Variants in ENO1 observed in about 807,000 individuals in gnomAD.
The protein encoded by ENO1 is enolase 1.
ENO1 carries 33 observed loss-of-function variants against 46.3 expected under a neutral mutation model. The ratio of observed to expected loss-of-function variants is 0.71; its 90% CI spans 0.54 to 0.95. The LOEUF (loss-of-function observed/expected upper bound fraction) is 0.95, where lower values mean the gene tolerates loss of function less well. Ranked by LOEUF, ENO1 falls within the 40% of genes least tolerant of loss-of-function variation. The pLI is 0.00. For synonymous variants in ENO1, 220 were observed against 216.0 expected, an observed-to-expected ratio of 1.02 and a Z score of -0.16; for missense variants, 488 against 553.3, an observed-to-expected ratio of 0.88 and a Z score of 1.18.
At position 8,863,410 on chromosome 1, in the gene ENO1, T is replaced by C; in HGVS notation, c.1068-67A>G. On this transcript the variant is annotated intron_variant, in intron 9 of 11. Coordinates refer to ENST00000234590, the MANE Select transcript of ENO1 (RefSeq NM_001428.5). ...CTGGTTCCATAACCCCCAATGCCAT[T>C]ACCCCTCGGTGCCAGCAGGAAAGCA... 5 of 1,461,016 alleles carry C rather than the reference T, an allele frequency of 3.4e-6. No individual in the cohort carries two copies. The East Asian group carries it at 7.1e-5, about 21-fold the overall frequency. 90.5% of individuals were successfully genotyped at this position (1,461,016 alleles called of 1,614,324 possible).
chr1:8,875,271 A>G (rs907255877), intron 1 of ENO1, among the ~76,000 whole-genome samples: 5 of 152,042 alleles, frequency 3.3e-5, no homozygotes, highest in African/African-American at 7.2e-5. Flanking sequence ...AATGGGTTAA[A>G]CCCTAGCAAT....
At chr1:8,868,192 A>G (rs1283983054) in intron 4 of ENO1, 135 bp from the exon 5 acceptor site, 2 of 735,936 alleles carry the variant, frequency 2.7e-6, no homozygotes, top group African/African-American at 1.8e-5. Flanking sequence ...ATAAGCAAAA[A>G]AAGTGGAGGA....
At chr1:8,871,599 G>C in intron 3 of ENO1, 1 of 1,183,874 alleles carries the variant, frequency 8.4e-7, no homozygotes, top group Non-Finnish European at 1.1e-6. Flanking sequence ...TCTCATGCTT[G>C]GGTTCCTGTC....
rs1371816446 is a variant in ENO1, at chr1:8,861,224, G to A, written c.*136C>T. 7.1e-6 allele frequency: 6 copies of A among 840,662 alleles called. No individual in the cohort carries two copies. Among genetic ancestry groups the A allele is most frequent in the Non-Finnish European group, 9.4e-6 (5 of 533,604 alleles). 52.1% of individuals were successfully genotyped at this position (840,662 alleles called of 1,614,324 possible). On this transcript the variant is annotated 3_prime_UTR_variant, in exon 12 of 12. Transcript: ENST00000234590. ...TGTAGAAGTTCTAAGGAAGCGGTAC[G>A]AACTCCACGGCGGTGGGGCGCTAAC... is the stretch of plus-strand genomic sequence containing the variant.
At chr1:8,878,547 C>T in intron 1 of ENO1, 33 bp downstream of exon 1, 1 of 453,826 alleles carries the variant, frequency 2.2e-6, no homozygotes, top group Non-Finnish European at 4.4e-6. Flanking sequence ...CCTGCGCCGC[C>T]TGCCCGTTGC....
chr1:8,862,248 A>G (rs1209901400), intron 11 of ENO1, among the ~76,000 whole-genome samples: 2 of 152,220 alleles, frequency 1.3e-5, no homozygotes, highest in Non-Finnish European at 2.9e-5. Flanking sequence ...TGACATGGCA[A>G]GACCCTGTCT....
intron 11 of ENO1, among the ~76,000 whole-genome samples, chr1:8,862,368 C>A (rs901667872): frequency 2.6e-5 from 4 of 151,672 alleles, no homozygotes; most frequent in Non-Finnish European, 5.9e-5. Context: ...TATGGGAGAA[C>A]TTAGCGGGGT....
intron 7 of ENO1, among the ~76,000 whole-genome samples, chr1:8,865,783 A>C (rs1321725186): frequency 6.6e-6 from 1 of 152,196 alleles, no homozygotes; most frequent in Non-Finnish European, 1.5e-5. Context: ...AGTTACAGTA[A>C]GCAGCTGAGA....
intron 8 of ENO1, 65 bp from the exon 9 acceptor site, chr1:8,864,157 G>T: frequency 6.4e-7 from 1 of 1,564,054 alleles, no homozygotes; most frequent in Non-Finnish European, 8.8e-7. Context: ...GCAATGCCCA[G>T]CCTTGCTTCC....
Position 8,865,272 on chromosome 1 carries a change from G to C in ENO1, c.865+13C>G, listed in dbSNP as rs72641527. On this transcript the variant is annotated intron_variant, in intron 8 of 11. Coordinates refer to ENST00000234590, the MANE Select transcript of ENO1 (RefSeq NM_001428.5). ...GTGGCAGGAAAGGGAGATGGCACTC[G>C]GGGAACACTCACCTGGGTAGTCCTT... The C allele has an allele frequency of 1.9e-6, 3 of 1,613,118 alleles. No individual in the cohort carries two copies. The highest frequency in any genetic ancestry group is 1.3e-5 in the African/African-American group (1 of 74,872).
intron 9 of ENO1, among the ~76,000 whole-genome samples, 164 bp downstream of exon 9, chr1:8,863,727 T>C (rs963664084): frequency 2.6e-5 from 4 of 152,194 alleles, no homozygotes; most frequent in Non-Finnish European, 5.9e-5. Flanking sequence ...CAGGCCCCAA[T>C]TGTTTAATTT....
At chr1:8,866,639 A>G (rs751784640) in intron 6 of ENO1, 138 bp from the exon 7 acceptor site, 73 of 872,262 alleles carry the variant, frequency 8.4e-5, no homozygotes, top group Non-Finnish European at 1.3e-4. Context: ...CAGAGGGGCC[A>G]GGGTGCTGTG....
chr1:8,871,295 T>A, intron 3 of ENO1: 1 of 997,202 alleles, frequency 1.0e-6, no homozygotes, highest in Non-Finnish European at 1.2e-6. Context: ...TAGCCCTATG[T>A]GCTTTTCTGT....
intron 4 of ENO1, among the ~76,000 whole-genome samples, chr1:8,868,930 GC>G (rs894576495): frequency 2.6e-5 from 4 of 152,118 alleles, no homozygotes; most frequent in African/African-American, 9.7e-5. Context: ...GCCCACCTCA[GC>G]CTCCTAAAGT....
At chr1:8,867,368 T>TC in intron 5 of ENO1, 118 bp from the exon 6 acceptor site, 2 of 1,372,480 alleles carry the variant, frequency 1.5e-6, no homozygotes, top group Non-Finnish European at 2.0e-6. Context: ...CACCTCCATT[T>TC]CACTGTTACT....
chr1:8,866,415 G>T lies in ENO1; in HGVS notation c.531C>A (p.Asn177Lys), dbSNP rs11544513. The T allele has an allele frequency of 3.2e-3, 5,119 of 1,614,222 alleles. 12 individuals carry two copies. Among genetic ancestry groups the T allele is most frequent in the Non-Finnish European group, 3.7e-3 (4,323 of 1,180,050 alleles). Residue 177 changes from asparagine (N) to lysine (K), a missense_variant, in exon 7 of 12, where the codon AAC becomes AAA. By Grantham distance (94) the Asn-to-Lys change is moderately conservative (BLOSUM62 0). Coordinates refer to ENST00000234590, the MANE Select transcript of ENO1 (RefSeq NM_001428.5). ...CTCCAATGCGCATGGCTTCCCTGAAGTTTGCTGCACCGACTGGGAGGATCA... is the reference window on the plus strand; with the variant it reads ...CTCCAATGCGCATGGCTTCCCTGAATTTTGCTGCACCGACTGGGAGGATCA... ...EFMILPVGAA[N>K]FREAMRIGAE... is the part of the protein sequence containing the mutation.
At position 8,863,299 on chromosome 1, in the gene ENO1, T is replaced by G. The variant is rs755472016; in HGVS notation, c.1112A>C (p.His371Pro). The change falls in exon 10 of 12, where the codon CAT becomes CCT. Residue 371 changes from histidine to proline, a missense_variant. By Grantham distance (77) the His-to-Pro change is moderately conservative. Coordinates refer to ENST00000234590, the MANE Select transcript of ENO1 (RefSeq NM_001428.5). ...GGTATCTTCAGTCTCCCCCGAACGA[T>G]GAGACACCATGACGCCCCAACCATT... ...QANGWGVMVS[H>P]RSGETEDTFI... The G allele has an allele frequency of 6.2e-7, 1 of 1,614,106 alleles. No homozygotes were observed. Among genetic ancestry groups the G allele is most frequent in the Non-Finnish European group, 8.5e-7 (1 of 1,180,002 alleles).
intron 4 of ENO1, among the ~76,000 whole-genome samples, chr1:8,868,846 A>G (rs1236864757): frequency 8.1e-6 from 1 of 123,790 alleles, no homozygotes; most frequent in African/African-American, 2.6e-5. Context: ...GCTAATTTTT[A>G]TATTTTTTTT....
Position 8,861,097 on chromosome 1 carries a change from C to G in ENO1, c.*263G>C, listed in dbSNP as rs1059149. 6 of 469,578 alleles carry G rather than the reference C, an allele frequency of 1.3e-5. No homozygotes were observed. The East Asian group carries it at 1.8e-4, about 14-fold the overall frequency. The allele number at this position is 469,578 out of a possible 1,614,324, so 29.1% of individuals were successfully genotyped here. A position where few individuals can be genotyped will look rare whatever the true frequency, so the allele number is the denominator to read the frequency against. On this transcript the variant is annotated 3_prime_UTR_variant, in exon 12 of 12. Transcript: ENST00000234590. ...GAGATGACACGAGGCTCACATGACT[C>G]TAGACACTTGGTGGAAAGTGAGGCG... is the stretch of plus-strand genomic sequence containing the variant.
Sources: allele counts gnomAD v4.1 joint callset (sites outside exome capture counted in the v4.1 genomes callset), GRCh38; gene constraint gnomAD v4.1.1; transcripts MANE v1.5; gene names NCBI Gene and HGNC (gene_info 2026-07-23, HGNC 2026-07-21).